The following SGPP2 variants were observed in gnomAD, a reference collection of about 807,000 sequenced individuals.
SGPP2 encodes the protein sphingosine-1-phosphate phosphatase 2.
A neutral mutation model predicts 33.9 loss-of-function variants in SGPP2; 30 were observed. The observed-to-expected ratio is 0.89, with a 90% confidence interval of 0.66 to 1.20. SGPP2 has a LOEUF of 1.20. Among genes scored for constraint, SGPP2 ranks in the 50% most tolerant of loss-of-function variants. The probability of loss-of-function intolerance (pLI) is 0.00; values close to 1 mark genes in which losing one functional copy is unlikely to be tolerated. For synonymous variants in SGPP2, 233 were observed against 225.0 expected, an observed-to-expected ratio of 1.04 and a Z score of -0.32; for missense variants, 458 against 532.1, an observed-to-expected ratio of 0.86 and a Z score of 1.37.
rs763946779 is a variant in SGPP2 at position 222,477,096 on chromosome 2, T to C, written c.378+2370T>C. 4.0e-5 allele frequency among the ~76,000 whole-genome samples: 6 copies of C among 151,722 alleles called. No individual in the cohort carries two copies. Among genetic ancestry groups the C allele is most frequent in the Non-Finnish European group, 8.8e-5 (6 of 67,898 alleles). ...ATAGATATGTATATATTTGTGAATGTATGTATATAGGTGTGTATATATGTG... is the reference window on the plus strand; with the variant it reads ...ATAGATATGTATATATTTGTGAATGCATGTATATAGGTGTGTATATATGTG... On this transcript the variant is annotated intron_variant, in intron 2 of 4. Transcript: ENST00000321276. The surrounding 1 kb of genome is among the most constrained non-coding windows in gnomAD (Gnocchi z 6.0).
intron 2 of SGPP2, among the ~76,000 whole-genome samples, chr2:222,475,122 A>G (rs1042672402): frequency 4.6e-5 from 7 of 152,260 alleles, no homozygotes; most frequent in African/African-American, 1.7e-4. Context: ...AACTAAACTA[A>G]AAGCCAAGGT....
upstream of SGPP2, chr2:222,424,507 G>C (rs1697027244): frequency 4.5e-6 from 4 of 890,054 alleles, no homozygotes; most frequent in Middle Eastern, 4.3e-4. Context: ...TCCGCCCGGA[G>C]TGCGGGATCG....
intron 2 of SGPP2, among the ~76,000 whole-genome samples, chr2:222,520,165 C>G (rs1698661475): frequency 6.6e-6 from 1 of 152,192 alleles, no homozygotes; most frequent in Admixed American, 6.5e-5. Flanking sequence ...TCCCCACAGC[C>G]TCACCAGCAT....
chr2:222,486,594 A>G (rs761819767), intron 2 of SGPP2, among the ~76,000 whole-genome samples: 6 of 152,202 alleles, frequency 3.9e-5, no homozygotes, highest in Admixed American at 3.3e-4. Context: ...GCCATCATTT[A>G]CAGGTCCTGA....
At chr2:222,458,085 G>A (rs1477732179) in intron 1 of SGPP2, among the ~76,000 whole-genome samples, 1 of 152,138 alleles carries the variant, frequency 6.6e-6, no homozygotes, top group African/African-American at 2.4e-5. Context: ...GGGTCTTGCT[G>A]TGTGACTCAG....
At chr2:222,471,506 C>A (rs1342263660) in intron 1 of SGPP2, among the ~76,000 whole-genome samples, 1 of 151,848 alleles carries the variant, frequency 6.6e-6, no homozygotes, top group Non-Finnish European at 1.5e-5. Flanking sequence ...TTTATTCCCC[C>A]AAATTGTGCT....
chr2:222,444,372 A>G (rs959086874), intron 1 of SGPP2, among the ~76,000 whole-genome samples: 1 of 152,236 alleles, frequency 6.6e-6, no homozygotes, highest in African/African-American at 2.4e-5. Flanking sequence ...TTGCCATAAA[A>G]GTGCTTTTCC....
chr2:222,552,599 G>A (rs1414836308), intron 4 of SGPP2, among the ~76,000 whole-genome samples: 2 of 152,168 alleles, frequency 1.3e-5, no homozygotes, highest in East Asian at 3.9e-4. Context: ...AGTGGCTCAT[G>A]CCTGTAATCC....
chr2:222,492,234 C>T (rs1305880497), intron 2 of SGPP2, among the ~76,000 whole-genome samples: 1 of 152,216 alleles, frequency 6.6e-6, no homozygotes, highest in Non-Finnish European at 1.5e-5. Flanking sequence ...TCCAACCCCA[C>T]ATTTCCTTTC....
rs183841921 is a variant in SGPP2 at position 222,485,482 on chromosome 2, G to A, written c.378+10756G>A. Among the ~76,000 whole-genome samples, 5 of 152,326 alleles carry A rather than the reference G, an allele frequency of 3.3e-5. No individual in the cohort carries two copies. In the East Asian group the frequency reaches 9.6e-4, roughly 29 times the overall value. On this transcript the variant is annotated intron_variant, in intron 2 of 4. Coordinates refer to ENST00000321276, the MANE Select transcript of SGPP2 (RefSeq NM_152386.4). ...GCTTTGGTACTTTTGTTTCGGAGCT[G>A]GAGGCCTGCAGAGGGCTGCCTGCAG... is the stretch of plus-strand genomic sequence containing the variant.
In SGPP2 at chr2:222,476,758, A is replaced by G. The variant is rs997492701; in HGVS notation, c.378+2032A>G. 2.0e-5 allele frequency among the ~76,000 whole-genome samples: 3 copies of G among 151,680 alleles called. No individual in the cohort carries two copies. The highest frequency in any genetic ancestry group is 2.9e-5 in the Non-Finnish European group (2 of 67,902). On this transcript the variant is annotated intron_variant, in intron 2 of 4. Transcript: ENST00000321276. This position sits in a 1 kb window ranked among gnomAD's most constrained non-coding sequence, Gnocchi z 4.3. ...TAGGTGTGTGTGTATATGTATGTATATAGGTGTGTATATATGCGTATGTGT... is the reference window on the plus strand; with the variant it reads ...TAGGTGTGTGTGTATATGTATGTATGTAGGTGTGTATATATGCGTATGTGT...
At chr2:222,555,935 AC>A (rs1689390086) in intron 4 of SGPP2, among the ~76,000 whole-genome samples, 1 of 152,110 alleles carries the variant, frequency 6.6e-6, no homozygotes. Context: ...TCACATGATT[AC>A]CCCTGCGCTA....
chr2:222,520,197 A>C (rs977586046), intron 2 of SGPP2, among the ~76,000 whole-genome samples: 6 of 152,110 alleles, frequency 3.9e-5, no homozygotes, highest in Non-Finnish European at 7.3e-5. Flanking sequence ...TGACTTTTTA[A>C]TAATAGCGAT....
intron 2 of SGPP2, among the ~76,000 whole-genome samples, chr2:222,497,339 G>A (rs927939531): frequency 7.3e-6 from 1 of 137,804 alleles, no homozygotes; most frequent in South Asian, 2.4e-4. Flanking sequence ...TGCAACCTCC[G>A]CCTCCCAGGT....
At chr2:222,535,962 C>T (rs1231127074) in intron 4 of SGPP2, among the ~76,000 whole-genome samples, 1 of 152,210 alleles carries the variant, frequency 6.6e-6, no homozygotes, top group Non-Finnish European at 1.5e-5. Flanking sequence ...AATGCATCCA[C>T]TTTTCCCAAA....
chr2:222,462,966 A>G (rs565019367), intron 1 of SGPP2, among the ~76,000 whole-genome samples: 11 of 152,260 alleles, frequency 7.2e-5, no homozygotes, highest in African/African-American at 2.6e-4. Flanking sequence ...TATGCACCCA[A>G]CTTCAAAGCT....
intron 2 of SGPP2, among the ~76,000 whole-genome samples, chr2:222,475,229 G>C (rs1541999): frequency 0.35 from 53,751 of 151,928 alleles, 10,712 homozygotes; most frequent in African/African-American, 0.53. Context: ...ACCACCACAC[G>C]CGGTTATTTT....
At chr2:222,490,550 A>G (rs1397022513) in intron 2 of SGPP2, among the ~76,000 whole-genome samples, 1 of 151,810 alleles carries the variant, frequency 6.6e-6, no homozygotes, top group Non-Finnish European at 1.5e-5. Context: ...TGATCCTCCA[A>G]CCTCAGTCTA....
intron 1 of SGPP2, among the ~76,000 whole-genome samples, chr2:222,441,682 C>T (rs538918950): frequency 2.1e-4 from 32 of 151,772 alleles, no homozygotes; most frequent in African/African-American, 5.8e-4. Flanking sequence ...GTTTACAATA[C>T]GAAGGTAGGA....
Sources: allele counts gnomAD v4.1 joint callset (sites outside exome capture counted in the v4.1 genomes callset), GRCh38; gene constraint gnomAD v4.1.1; non-coding constraint Gnocchi (gnomAD v3.1); transcripts MANE v1.5; gene names NCBI Gene and HGNC (gene_info 2026-07-23, HGNC 2026-07-21).